Variants in CPNE4 observed in about 807,000 individuals in gnomAD.
CPNE4 encodes the protein copine 4.
In CPNE4, 25 loss-of-function variants were observed where a neutral mutation model predicts 67.9. That is an observed-to-expected ratio of 0.37 (90% CI 0.27 to 0.51). The LOEUF is 0.51. Ranked by LOEUF, CPNE4 falls within the 20% of genes least tolerant of loss-of-function variation. The pLI, the probability that CPNE4 is intolerant of heterozygous loss-of-function variation, is 0.93. For synonymous variants in CPNE4, 242 were observed against 244.9 expected (o/e 0.99, Z 0.11); for missense variants, 464 against 690.8 (o/e 0.67, Z 3.68).
intron 1 of CPNE4, among the ~76,000 whole-genome samples, chr3:131,991,967 A>G (rs1273928947): frequency 7.3e-6 from 1 of 136,596 alleles, no homozygotes; most frequent in East Asian, 2.4e-4. Context: ...CACAGAAGAC[A>G]AGAATTGGAA....
At chr3:131,883,907 GA>G (rs1378988516) in intron 2 of CPNE4, among the ~76,000 whole-genome samples, 5 of 152,122 alleles carry the variant, frequency 3.3e-5, no homozygotes, top group African/African-American at 1.2e-4. Flanking sequence ...TATTCTGTTG[GA>G]ATACTCTGTC....
At chr3:131,681,441 A>G (rs1331707267) in intron 6 of CPNE4, among the ~76,000 whole-genome samples, 1 of 152,180 alleles carries the variant, frequency 6.6e-6, no homozygotes, top group Admixed American at 6.5e-5. Flanking sequence ...CACTTTAAAT[A>G]TGTTACACCA....
intron 1 of CPNE4, among the ~76,000 whole-genome samples, chr3:131,967,761 C>T (rs765301691): frequency 1.1e-4 from 16 of 152,208 alleles, no homozygotes; most frequent in Admixed American, 2.0e-4. Flanking sequence ...AAATCAATAT[C>T]GTGAAAATGG....
chr3:131,790,798 CA>C (rs2083696677), intron 2 of CPNE4, among the ~76,000 whole-genome samples: 1 of 152,172 alleles, frequency 6.6e-6, no homozygotes, highest in South Asian at 2.1e-4. Context: ...CAAAAACATA[CA>C]AATTTGCCTT....
At chr3:131,654,077 C>G (rs2079885950) in intron 7 of CPNE4, among the ~76,000 whole-genome samples, 1 of 152,146 alleles carries the variant, frequency 6.6e-6, no homozygotes, top group Admixed American at 6.5e-5. Context: ...TTCTATTTAA[C>G]TGGTCTGAGG....
chr3:131,952,614 A>C (rs2071792414), intron 1 of CPNE4, among the ~76,000 whole-genome samples: 1 of 112,778 alleles, frequency 8.9e-6, no homozygotes. Context: ...GTCCGGAGGG[A>C]GGTGGGGGGG....
intron 2 of CPNE4, among the ~76,000 whole-genome samples, chr3:131,753,547 A>G (rs553688254): frequency 2.0e-5 from 3 of 152,262 alleles, no homozygotes; most frequent in East Asian, 3.9e-4. Context: ...AGTTAATGCC[A>G]ATAATGTATA....
intron 1 of CPNE4, among the ~76,000 whole-genome samples, chr3:132,004,507 T>C (rs1178784028): frequency 6.6e-6 from 1 of 152,132 alleles, no homozygotes; most frequent in African/African-American, 2.4e-5. Flanking sequence ...TTTTATATTC[T>C]GCTAAGTTTA....
intron 2 of CPNE4, among the ~76,000 whole-genome samples, chr3:131,860,847 T>C (rs750204478): frequency 1.3e-5 from 2 of 152,202 alleles, no homozygotes; most frequent in Non-Finnish European, 2.9e-5. Flanking sequence ...ACAGTTGAGT[T>C]TGGCTTTGCA....
intron 2 of CPNE4, among the ~76,000 whole-genome samples, chr3:131,772,369 A>G (rs2083189550): frequency 6.6e-6 from 1 of 152,130 alleles, no homozygotes; most frequent in African/African-American, 2.4e-5. Context: ...AGATCTCAAG[A>G]GTGTTGCCAC....
chr3:132,026,277 G>A (rs1305985530), intron 1 of CPNE4, among the ~76,000 whole-genome samples: 4 of 152,206 alleles, frequency 2.6e-5, no homozygotes, highest in Admixed American at 2.0e-4. Context: ...ATATCAAGAA[G>A]TGTGATATAC....
chr3:131,801,740 G>T (rs957642023), intron 2 of CPNE4, among the ~76,000 whole-genome samples: 1 of 150,930 alleles, frequency 6.6e-6, no homozygotes. Flanking sequence ...ATAAACTGTA[G>T]TGTACTCAAG....
At chr3:131,539,672 T>C (rs1935365555) in intron 15 of CPNE4, among the ~76,000 whole-genome samples, 1 of 152,042 alleles carries the variant, frequency 6.6e-6, no homozygotes, top group Non-Finnish European at 1.5e-5. Flanking sequence ...AGTGACATTG[T>C]GTCAGCACAC....
chr3:131,781,060 C>G (rs746496234), intron 2 of CPNE4, among the ~76,000 whole-genome samples: 1 of 151,868 alleles, frequency 6.6e-6, no homozygotes, highest in South Asian at 2.1e-4. Context: ...CATGAATGAA[C>G]CTGGCTAAAT....
intron 3 of CPNE4, among the ~76,000 whole-genome samples, chr3:131,702,074 C>T (rs13317781): frequency 0.28 from 42,555 of 151,782 alleles, 6,225 homozygotes; most frequent in Non-Finnish European, 0.31. Flanking sequence ...GCAAGAAGTC[C>T]AGAGAACTTC....
chr3:131,585,023 C>G (rs2107697320), intron 8 of CPNE4, among the ~76,000 whole-genome samples: 1 of 152,308 alleles, frequency 6.6e-6, no homozygotes, highest in South Asian at 2.1e-4. Context: ...CTCAATCACA[C>G]CAAGCTCAGC....
chr3:131,886,641 C>T (rs2087905828), intron 2 of CPNE4, among the ~76,000 whole-genome samples: 1 of 152,312 alleles, frequency 6.6e-6, no homozygotes, highest in African/African-American at 2.4e-5. Context: ...CTGTACCCTG[C>T]AAAACCACAG....
intron 2 of CPNE4, among the ~76,000 whole-genome samples, chr3:131,747,346 C>T (rs1444419522): frequency 2.6e-5 from 4 of 151,998 alleles, no homozygotes; most frequent in Non-Finnish European, 5.9e-5. Flanking sequence ...TTCAAAAATT[C>T]TTTCCTATAC....
At chr3:131,907,383 T>C (rs2088812172) in intron 1 of CPNE4, among the ~76,000 whole-genome samples, 1 of 152,092 alleles carries the variant, frequency 6.6e-6, no homozygotes, top group Non-Finnish European at 1.5e-5. Flanking sequence ...CCTTCCCTTC[T>C]TCCACAAATA....
Sources: gnomAD v4.1 joint callset for allele counts (sites outside exome capture counted in the v4.1 genomes callset) on GRCh38, gnomAD v4.1.1 for gene constraint, MANE v1.5 for transcripts, NCBI Gene and HGNC (gene_info 2026-07-23, HGNC 2026-07-21) for gene names.